The following ZNF777 variants were observed in gnomAD, a reference collection of about 807,000 sequenced individuals.
ZNF777 encodes the protein zinc finger protein 777.
In ZNF777, 7 loss-of-function variants were observed where a neutral mutation model predicts 72.1. The observed-to-expected ratio is 0.10, with a 90% CI of 0.06 to 0.18. The LOEUF is 0.18. Among genes scored for constraint, ZNF777 ranks in the 10% least tolerant of loss-of-function variants. ZNF777 has a pLI of 1.00. For missense variants in ZNF777, 828 were observed against 1,128.6 expected (o/e 0.73, Z 3.82); for synonymous variants, 545 against 483.5 (o/e 1.13, Z -1.67).
intron 4 of ZNF777, among the ~76,000 whole-genome samples, chr7:149,448,578 A>AATAT (rs1491438473): frequency 5.0e-5 from 2 of 39,966 alleles, no homozygotes; most frequent in Non-Finnish European, 8.7e-5. Context: ...TATACATATA[A>AATAT]CTATATATAT....
intron 1 of ZNF777, among the ~76,000 whole-genome samples, chr7:149,459,134 GT>G (rs368551334): frequency 6.6e-6 from 1 of 151,478 alleles, no homozygotes; most frequent in Admixed American, 6.6e-5. Context: ...TTTCTCATGA[GT>G]TTTTTTTTGA....
chr7:149,447,265 ACT>A (rs1249629342), intron 4 of ZNF777, among the ~76,000 whole-genome samples: 2 of 151,848 alleles, frequency 1.3e-5, no homozygotes, highest in Non-Finnish European at 2.9e-5. Flanking sequence ...ACCTAATCTA[ACT>A]CTGCTGCCGA....
chr7:149,453,578 G>A (rs542534941), intron 3 of ZNF777, among the ~76,000 whole-genome samples: 1 of 152,116 alleles, frequency 6.6e-6, no homozygotes, highest in Non-Finnish European at 1.5e-5. Context: ...CATGAAATAA[G>A]CATTTAACCT....
chr7:149,453,523 A>T (rs1799765560), intron 3 of ZNF777, among the ~76,000 whole-genome samples: 1 of 152,192 alleles, frequency 6.6e-6, no homozygotes, highest in South Asian at 2.1e-4. Flanking sequence ...AATATTCTTA[A>T]TTAAAATCAC....
At chr7:149,456,552 C>T (rs1799837258) in intron 1 of ZNF777, among the ~76,000 whole-genome samples, 2 of 152,182 alleles carry the variant, frequency 1.3e-5, no homozygotes, top group African/African-American at 2.4e-5. Flanking sequence ...AAGCCAAGCA[C>T]TTACTATCCC....
intron 4 of ZNF777, among the ~76,000 whole-genome samples, chr7:149,449,635 ATCTC>A (rs1799679926): frequency 6.6e-6 from 1 of 151,954 alleles, no homozygotes; most frequent in South Asian, 2.1e-4. Context: ...TCCACCTAGA[ATCTC>A]TCTATTTCTA....
intron 4 of ZNF777, among the ~76,000 whole-genome samples, chr7:149,440,293 T>G (rs1433274032): frequency 6.6e-6 from 1 of 152,232 alleles, no homozygotes; most frequent in Non-Finnish European, 1.5e-5. Flanking sequence ...TTCTGTTTGG[T>G]GACCTGGGGG....
intron 3 of ZNF777, among the ~76,000 whole-genome samples, 167 bp downstream of exon 3, chr7:149,453,943 TG>T (rs1361281929): frequency 3.9e-5 from 6 of 152,204 alleles, no homozygotes; most frequent in Admixed American, 1.3e-4. Context: ...GCCGCACTGA[TG>T]TGTGTGGGTA....
At chr7:149,437,602 G>T (rs1457183508) in intron 4 of ZNF777, among the ~76,000 whole-genome samples, 1 of 152,020 alleles carries the variant, frequency 6.6e-6, no homozygotes, top group African/African-American at 2.4e-5. Flanking sequence ...ACATACATAG[G>T]TGTCATTTTA....
intron 1 of ZNF777, chr7:149,459,591 C>G: frequency 1.0e-6 from 1 of 973,854 alleles, no homozygotes; most frequent in Non-Finnish European, 1.2e-6. Flanking sequence ...CACCCCCTCC[C>G]CGTCCAGGCC....
chr7:149,432,625 C>G lies in ZNF777; in HGVS notation c.1647G>C (p.Met549Ile), dbSNP rs1271673691. The G allele has an allele frequency of 2.5e-6, 4 of 1,613,502 alleles. No individual in the cohort carries two copies. The highest frequency in any genetic ancestry group is 1.6e-4 in the Middle Eastern group (1 of 6,082). ...NRRGERPFTCMECGKSFRLKI... is the reference protein window; with the variant it reads ...NRRGERPFTCIECGKSFRLKI... ...TCAGGCGGAAGCTCTTGCCGCACTC[C>G]ATGCATGTGAAGGGCCGCTCGCCGC... The change falls in exon 6 of 6, where the codon ATG becomes ATC. Residue 549 changes from methionine (M) to isoleucine (I), a missense_variant. Met to Ile is a conservative substitution (Grantham distance 10). Transcript: ENST00000247930.
intron 4 of ZNF777, among the ~76,000 whole-genome samples, chr7:149,449,789 C>A (rs552667443): frequency 2.0e-5 from 3 of 152,290 alleles, no homozygotes; most frequent in African/African-American, 7.2e-5. Flanking sequence ...TCTTTTCTGT[C>A]TGCAGGAAGG....
At chr7:149,435,234 A>G (rs1799390387) in intron 5 of ZNF777, among the ~76,000 whole-genome samples, 1 of 152,142 alleles carries the variant, frequency 6.6e-6, no homozygotes, top group South Asian at 2.1e-4. Context: ...GCAGTGATAC[A>G]ATCATGGCTC....
At chr7:149,448,581 A>ATATATATATATATATATAAC (rs1563237823) in intron 4 of ZNF777, among the ~76,000 whole-genome samples, 5 of 17,702 alleles carry the variant, frequency 2.8e-4, no homozygotes, top group African/African-American at 2.6e-3. Flanking sequence ...ACATATAACT[A>ATATATATATATATATATAAC]TATATATATA....
At position 149,460,253 on chromosome 7, in the gene ZNF777, C is replaced by T; in HGVS notation, c.-16+562G>A. On this transcript the variant is annotated intron_variant, in intron 1 of 5. Transcript: ENST00000247930. The surrounding 1 kb of genome is among the most constrained non-coding windows in gnomAD (Gnocchi z 6.1). ...CCGGCCGCCCGGCGCTCTCCGCAGGCGGCGCCGGCCCAGCCCTGTCTTCCC... is the reference window on the plus strand; with the variant it reads ...CCGGCCGCCCGGCGCTCTCCGCAGGTGGCGCCGGCCCAGCCCTGTCTTCCC... 4.3e-6 allele frequency: 1 copy of T among 230,760 alleles called. No homozygotes were observed. The highest frequency in any genetic ancestry group is 7.0e-6 in the Non-Finnish European group (1 of 143,382). The allele number at this position is 230,760 out of a possible 1,614,324, so 14.3% of individuals were successfully genotyped here.
intron 4 of ZNF777, among the ~76,000 whole-genome samples, chr7:149,443,158 A>G (rs1443016196): frequency 6.6e-6 from 1 of 152,218 alleles, no homozygotes; most frequent in Non-Finnish European, 1.5e-5. Context: ...ATGGCAGAGT[A>G]TTTAAATAAA....
At chr7:149,440,315 T>C (rs567034957) in intron 4 of ZNF777, among the ~76,000 whole-genome samples, 414 of 152,300 alleles carry the variant, frequency 2.7e-3, no homozygotes, top group African/African-American at 9.3e-3. Context: ...TTTATGCCTC[T>C]GAGAAATGCT....
Position 149,455,327 on chromosome 7 carries a change from G to A in ZNF777, c.696C>T (p.Asn232=), listed in dbSNP as rs771082093. Residue 232 remains asparagine, a synonymous_variant, in exon 2 of 6, where the codon AAC becomes AAT. Transcript: ENST00000247930. This position sits in a 1 kb window ranked among gnomAD's most constrained non-coding sequence, Gnocchi z 4.2. ...DCEKTAVEFA[N]HLESKWVVLG... is the part of the protein sequence containing the mutation. Reference sequence around the variant, plus strand: ...ACACGACCCACTTGCTCTCCAGATGGTTCGCGAACTCCACGGCTGTCTTCT... The same window carrying A: ...ACACGACCCACTTGCTCTCCAGATGATTCGCGAACTCCACGGCTGTCTTCT... The A allele has an allele frequency of 1.2e-6, 2 of 1,614,234 alleles. No individual in the cohort carries two copies. Among genetic ancestry groups the A allele is most frequent in the Non-Finnish European group, 1.7e-6 (2 of 1,180,054 alleles).
intron 3 of ZNF777, among the ~76,000 whole-genome samples, chr7:149,453,855 T>C (rs565630555): frequency 6.6e-6 from 1 of 152,332 alleles, no homozygotes; most frequent in East Asian, 1.9e-4. Context: ...ACCACTGATG[T>C]CTAGGTCTTT....
Sources: allele counts gnomAD v4.1 joint callset (sites outside exome capture counted in the v4.1 genomes callset), GRCh38; gene constraint gnomAD v4.1.1; non-coding constraint Gnocchi (gnomAD v3.1); transcripts MANE v1.5; gene names NCBI Gene and HGNC (gene_info 2026-07-23, HGNC 2026-07-21).